The following CADPS variants were observed in gnomAD, a reference collection of about 807,000 sequenced individuals.
CADPS encodes calcium-dependent secretion activator 1.
A neutral mutation model predicts 167.3 loss-of-function variants in CADPS; 57 were observed. That is an observed-to-expected ratio of 0.34 (90% CI 0.28 to 0.42). CADPS has a LOEUF of 0.42. CADPS is among the 20% of genes least tolerant of loss of function. CADPS has a pLI of 1.00. For missense variants in CADPS, 1,414 were observed against 1,738.1 expected (o/e 0.81, Z 3.32); for synonymous variants, 676 against 635.3 (o/e 1.06, Z -0.96).
At chr3:62,603,650 G>A (rs2060281842) in intron 6 of CADPS, among the ~76,000 whole-genome samples, 3 of 152,056 alleles carry the variant, frequency 2.0e-5, no homozygotes. Flanking sequence ...TTGATTTTTA[G>A]CATTTCCTTT....
rs146256077 is a variant in CADPS, at chr3:62,742,969, C to A, written c.888+10472G>T. ...ACCCAATTAAAAAGTAGGCAAAGGA[C>A]ATGAACACTTCTCAAAAGAAGACAT... On this transcript the variant is annotated intron_variant, in intron 3 of 29. Coordinates refer to ENST00000383710, the MANE Select transcript of CADPS (RefSeq NM_003716.4). 2.4e-4 allele frequency among the ~76,000 whole-genome samples: 36 copies of A among 152,118 alleles called. 1 individual carries two copies. The East Asian group carries it at 7.0e-3, about 29-fold the overall frequency.
intron 3 of CADPS, among the ~76,000 whole-genome samples, chr3:62,687,607 T>G (rs142891371): frequency 2.0e-5 from 3 of 152,106 alleles, no homozygotes; most frequent in African/African-American, 7.2e-5. Context: ...TTTTCAGTTT[T>G]CAGGGGTGAT....
chr3:62,717,855 C>T (rs2084978821), intron 3 of CADPS, among the ~76,000 whole-genome samples: 1 of 152,196 alleles, frequency 6.6e-6, no homozygotes, highest in Non-Finnish European at 1.5e-5. Flanking sequence ...TTAGATCCTA[C>T]TCACCTTTCT....
intron 27 of CADPS, chr3:62,440,386 A>G (rs963311671): frequency 1.3e-5 from 2 of 152,126 alleles, no homozygotes; most frequent in African/African-American, 2.4e-5. Context: ...GGGATTACTA[A>G]CAGCTCCCCT....
chr3:62,475,458 T>G (rs1424507515), intron 23 of CADPS, among the ~76,000 whole-genome samples: 1 of 152,012 alleles, frequency 6.6e-6, no homozygotes, highest in Non-Finnish European at 1.5e-5. Flanking sequence ...TGTAGCAGTT[T>G]TCTAACAGTG....
rs192445967 is a variant in CADPS at position 62,492,233 on chromosome 3, T to C, written c.2884+57A>G. The stretch of plus-strand genomic sequence containing the variant: ...TCTGCTTGGGATAAAGACATCTTAG[T>C]GATCTGTTTATCTGCACACTACTTA... On this transcript the variant is annotated intron_variant, in intron 20 of 29. Coordinates refer to ENST00000383710, the MANE Select transcript of CADPS (RefSeq NM_003716.4). 24 of 1,447,638 alleles carry C rather than the reference T, an allele frequency of 1.7e-5. No individual in the cohort carries two copies. In the East Asian group the frequency reaches 5.0e-4, roughly 30 times the overall value. The allele number at this position is 1,447,638 out of a possible 1,614,324, so 89.7% of individuals were successfully genotyped here.
intron 13 of CADPS, chr3:62,530,797 C>T: frequency 1.6e-6 from 2 of 1,276,940 alleles, no homozygotes; most frequent in Non-Finnish European, 2.0e-6. Flanking sequence ...CACTAAGGTA[C>T]ACATGCATTT....
chr3:62,723,868 A>G (rs1049015144), intron 3 of CADPS, among the ~76,000 whole-genome samples: 1 of 152,166 alleles, frequency 6.6e-6, no homozygotes, highest in Non-Finnish European at 1.5e-5. Context: ...CCACGTTCTC[A>G]GAGAGGTCAG....
chr3:62,856,316 C>T (rs780487800), intron 1 of CADPS, among the ~76,000 whole-genome samples: 6 of 152,048 alleles, frequency 3.9e-5, no homozygotes, highest in Non-Finnish European at 7.4e-5. Context: ...ATGTTGAAAA[C>T]TACAAAAATA....
chr3:62,644,247 C>G (rs1232583171), intron 6 of CADPS, among the ~76,000 whole-genome samples: 1 of 152,160 alleles, frequency 6.6e-6, no homozygotes, highest in African/African-American at 2.4e-5. Context: ...TTCAGGGTTT[C>G]TCTTTTGATG....
intron 17 of CADPS, chr3:62,499,654 G>C (rs2065395867): frequency 6.5e-6 from 1 of 154,662 alleles, no homozygotes. Context: ...AATATTGATT[G>C]CTGTTACATT....
chr3:62,804,915 C>G (rs2093996791), intron 1 of CADPS, among the ~76,000 whole-genome samples: 1 of 151,944 alleles, frequency 6.6e-6, no homozygotes, highest in African/African-American at 2.4e-5. Context: ...TGAGAGTGAA[C>G]AAAGTATAAA....
intron 1 of CADPS, among the ~76,000 whole-genome samples, chr3:62,859,110 G>A (rs2080264766): frequency 6.6e-6 from 1 of 152,078 alleles, no homozygotes; most frequent in Admixed American, 6.6e-5. Flanking sequence ...CTGCGATTAG[G>A]GAAAGGGTAA....
chr3:62,589,236 G>A (rs1477927359), intron 7 of CADPS, among the ~76,000 whole-genome samples: 1 of 152,222 alleles, frequency 6.6e-6, no homozygotes, highest in African/African-American at 2.4e-5. Flanking sequence ...TCCAAGTGTG[G>A]CTTCACTGCA....
rs1300913189 is a variant in CADPS at position 62,478,141 on chromosome 3, C to G, written c.3329+120G>C. 6 of 1,120,628 alleles carry G rather than the reference C, an allele frequency of 5.4e-6. No individual in the cohort carries two copies. In the Admixed American group the frequency reaches 1.0e-4, roughly 19 times the overall value. 69.4% of individuals were successfully genotyped at this position (1,120,628 alleles called of 1,614,324 possible). On this transcript the variant is annotated intron_variant, in intron 23 of 29. Transcript: ENST00000383710. This position sits in a 1 kb window ranked among gnomAD's most constrained non-coding sequence, Gnocchi z 5.7. The stretch of plus-strand genomic sequence containing the variant: ...CACTACTCCAGCTGACTTTGACAAG[C>G]AATCCCCTTCTCCAATTAGTTTCAA...
intron 29 of CADPS, among the ~76,000 whole-genome samples, chr3:62,401,054 T>C (rs1453574980): frequency 1.3e-5 from 2 of 152,174 alleles, no homozygotes; most frequent in Non-Finnish European, 2.9e-5. Context: ...GTAATCTGGT[T>C]TGACATTAAA....
intron 28 of CADPS, among the ~76,000 whole-genome samples, chr3:62,409,938 T>A (rs2048636779): frequency 6.6e-6 from 1 of 152,176 alleles, no homozygotes; most frequent in Non-Finnish European, 1.5e-5. Context: ...GTGAAAATAG[T>A]CTAATCCAAA....
chr3:62,719,875 A>G (rs888815099), intron 3 of CADPS, among the ~76,000 whole-genome samples: 1 of 152,204 alleles, frequency 6.6e-6, no homozygotes, highest in African/African-American at 2.4e-5. Context: ...CTTCTGGCCT[A>G]TGAGTTGTGA....
chr3:62,825,105 C>G (rs2073793103), intron 1 of CADPS, among the ~76,000 whole-genome samples: 1 of 152,122 alleles, frequency 6.6e-6, no homozygotes, highest in African/African-American at 2.4e-5. Flanking sequence ...AATTTCACAG[C>G]CTTTTGTTCT....
Sources: gnomAD v4.1 joint callset for allele counts (sites outside exome capture counted in the v4.1 genomes callset) on GRCh38, gnomAD v4.1.1 for gene constraint, Gnocchi (gnomAD v3.1) non-coding constraint, MANE v1.5 for transcripts, NCBI Gene and HGNC (gene_info 2026-07-23, HGNC 2026-07-21) for gene names.